Variants in MTMR10 observed in about 807,000 individuals in gnomAD.
The protein encoded by MTMR10 is myotubularin-related protein 10.
In MTMR10, 56 loss-of-function variants were observed where a neutral mutation model predicts 88.1. That is an observed-to-expected ratio of 0.64 (90% CI 0.51 to 0.79). The LOEUF (loss-of-function observed/expected upper bound fraction) is 0.79. MTMR10 is among the 30% of genes least tolerant of loss of function. The pLI, the probability that MTMR10 is intolerant of heterozygous loss-of-function variation, is 0.00. For synonymous variants in MTMR10, 380 were observed against 340.9 expected, an observed-to-expected ratio of 1.11 and a Z score of -1.26; for missense variants, 883 against 924.7, an observed-to-expected ratio of 0.95 and a Z score of 0.58.
At chr15:30,920,898 C>A in the MTMR10 span, among the ~76,000 whole-genome samples, 1 of 152,238 alleles carries the variant, frequency 6.6e-6, no homozygotes. Context: ...ATCCTCTCAC[C>A]TCAGCCTCCT....
intron 2 of MTMR10, among the ~76,000 whole-genome samples, chr15:30,987,447 T>C (rs1447242130): frequency 6.6e-6 from 1 of 152,228 alleles, no homozygotes; most frequent in African/African-American, 2.4e-5. Context: ...TTACTAGTCA[T>C]TTTCTTCTGT....
chr15:30,963,654 T>TAGATAGATAGAC (rs1555409483), intron 6 of MTMR10, among the ~76,000 whole-genome samples: 1,848 of 145,980 alleles, frequency 0.013, 29 homozygotes, highest in Middle Eastern at 0.052. Context: ...AATAGACAGA[T>TAGATAGATAGAC]AGATAGATAG....
chr15:30,957,410 G>C (rs576097806), intron 9 of MTMR10, among the ~76,000 whole-genome samples: 1 of 152,304 alleles, frequency 6.6e-6, no homozygotes, highest in East Asian at 1.9e-4. Context: ...TTGAGGAAAT[G>C]ATGTTTGAAT....
At chr15:30,933,016 G>A in the MTMR10 span, among the ~76,000 whole-genome samples, 2 of 151,982 alleles carry the variant, frequency 1.3e-5, no homozygotes, top group East Asian at 1.9e-4. Flanking sequence ...CACCGCACAC[G>A]GCCATGTATT....
intron 12 of MTMR10, chr15:30,949,562 T>C (rs2063215011): frequency 6.6e-6 from 1 of 152,094 alleles, no homozygotes. Context: ...GAAAATGAAA[T>C]TAACAATTAT....
chr15:30,930,033 ATT>A, the MTMR10 span, among the ~76,000 whole-genome samples: 2 of 139,086 alleles, frequency 1.4e-5, no homozygotes, highest in African/African-American at 2.7e-5. Context: ...TAATATATAT[ATT>A]AATATTATAT....
intron 14 of MTMR10, chr15:30,946,923 TAGAGTA>T (rs1253238733): frequency 1.4e-4 from 89 of 655,126 alleles, no homozygotes; most frequent in African/African-American, 2.4e-4. Context: ...ACATTTACAT[TAGAGTA>T]AAACAAAAAA....
rs565526979 is a variant in MTMR10 at position 30,989,602 on chromosome 15, A to T, written c.121+1175T>A. Among the ~76,000 whole-genome samples the T allele has an allele frequency of 7.4e-5, 10 of 134,268 alleles. 1 individual carries two copies. In the South Asian group the frequency reaches 1.1e-3, roughly 15 times the overall value. 88.1% of individuals were successfully genotyped at this position (134,268 alleles called of 152,430 possible). On this transcript the variant is annotated intron_variant, in intron 2 of 15. Coordinates refer to ENST00000435680, the MANE Select transcript of MTMR10 (RefSeq NM_017762.3). ...TGATTTCAGGTTTTTTTTTTTTTTG[A>T]GACGGTGTCTCACTCTGCCGCCCAG...
At chr15:30,982,871 C>G (rs1252818486) in intron 2 of MTMR10, among the ~76,000 whole-genome samples, 1 of 152,168 alleles carries the variant, frequency 6.6e-6, no homozygotes. Context: ...CTGCCATGCA[C>G]TGAAACACTG....
In MTMR10 at chr15:30,976,935, C is replaced by T. The variant is rs1331825790; in HGVS notation, c.142G>A (p.Val48Ile). The change falls in exon 3 of 16, where the codon GTC becomes ATC. Residue 48 changes from valine (V) to isoleucine (I), a missense_variant. Physicochemically the swap from Val to Ile is conservative, Grantham distance 29. Coordinates refer to ENST00000435680, the MANE Select transcript of MTMR10 (RefSeq NM_017762.3). ...GCAATGCATTTTCTCACAAAATTGA[C>T]TTCATTTACGACAATTTCTCCTTTA... The part of the protein sequence containing the change: ...LLPGEIVVNE[V>I]NFVRKCIATD... The T allele has an allele frequency of 1.2e-6, 2 of 1,612,952 alleles. No individual in the cohort carries two copies. The highest frequency in any genetic ancestry group is 1.7e-6 in the Non-Finnish European group (2 of 1,179,578).
At chr15:30,925,984 C>G in the MTMR10 span, 1 of 1,600,774 alleles carries the variant, frequency 6.2e-7, no homozygotes, top group Non-Finnish European at 8.5e-7. Flanking sequence ...CCCGGGTGGA[C>G]GAGCAGCAGC....
chr15:30,983,652 TG>T (rs2141066681), intron 2 of MTMR10, among the ~76,000 whole-genome samples: 1 of 152,290 alleles, frequency 6.6e-6, no homozygotes, highest in African/African-American at 2.4e-5. Flanking sequence ...TAACTTAACT[TG>T]GGCTTTTAAC....
At chr15:30,991,342 G>A (rs2031312943) in intron 1 of MTMR10, 105 bp downstream of exon 1, 9 of 1,161,498 alleles carry the variant, frequency 7.7e-6, no homozygotes, top group Non-Finnish European at 1.0e-5. Flanking sequence ...TGTGGGCAGG[G>A]AGACGCGCGC....
intron 2 of MTMR10, 29 bp from the exon 3 acceptor site, chr15:30,976,984 T>C: frequency 1.2e-6 from 2 of 1,601,224 alleles, no homozygotes; most frequent in South Asian, 2.2e-5. Context: ...ATTTGTAAGG[T>C]ACTTTGTCAT....
At chr15:30,929,446 C>T in the MTMR10 span, 1 of 1,456,566 alleles carries the variant, frequency 6.9e-7, no homozygotes, top group East Asian at 2.4e-5. Flanking sequence ...TTAACACCGC[C>T]CCAGTGCTGT....
chr15:30,971,996 C>A (rs776904602), intron 5 of MTMR10, among the ~76,000 whole-genome samples: 2 of 152,106 alleles, frequency 1.3e-5, no homozygotes, highest in African/African-American at 2.4e-5. Context: ...AAAATGTGAA[C>A]CAATTTAGTA....
intron 12 of MTMR10, chr15:30,949,658 G>T (rs1441228096): frequency 6.6e-6 from 1 of 152,116 alleles, no homozygotes; most frequent in African/African-American, 2.4e-5. Context: ...CTGATAAAAT[G>T]AAAGATCTAA....
chr15:30,927,599 T>C, the MTMR10 span: 2 of 985,426 alleles, frequency 2.0e-6, no homozygotes, highest in Non-Finnish European at 2.4e-6. Context: ...CGCAGATGGG[T>C]TGGGGCCTGT....
intron 12 of MTMR10, 140 bp downstream of exon 12, chr15:30,951,828 A>G: frequency 1.4e-6 from 1 of 727,106 alleles, no homozygotes; most frequent in Non-Finnish European, 2.3e-6. Context: ...AATGATGTGC[A>G]AAATCTGTAA....
Sources: gnomAD v4.1 joint callset for allele counts (sites outside exome capture counted in the v4.1 genomes callset) on GRCh38, gnomAD v4.1.1 for gene constraint, MANE v1.5 for transcripts, NCBI Gene and HGNC (gene_info 2026-07-23, HGNC 2026-07-21) for gene names.